Variants in PCDH15 observed in about 807,000 individuals in gnomAD.
PCDH15 encodes the protein protocadherin-15.
Under a neutral mutation model 178.5 loss-of-function variants are expected in PCDH15, and 129 were observed. The ratio of observed to expected loss-of-function variants is 0.72; its 90% CI spans 0.63 to 0.84. The LOEUF (loss-of-function observed/expected upper bound fraction) is 0.84. Among genes scored for constraint, PCDH15 ranks in the 40% least tolerant of loss-of-function variants. PCDH15 has a pLI of 0.00. For missense variants in PCDH15, 2,230 were observed against 2,099.9 expected, an observed-to-expected ratio of 1.06 and a Z score of -1.21; for synonymous variants, 800 against 732.0, an observed-to-expected ratio of 1.09 and a Z score of -1.50.
chr10:54,134,971 C>T (rs2133089422), intron 14 of PCDH15, among the ~76,000 whole-genome samples: 1 of 151,122 alleles, frequency 6.6e-6, no homozygotes, highest in African/African-American at 2.4e-5. Context: ...CTTTTGGAGG[C>T]CAAGGTGAGC....
chr10:54,344,237 T>C (rs1473404621), intron 6 of PCDH15, among the ~76,000 whole-genome samples: 1 of 152,196 alleles, frequency 6.6e-6, no homozygotes, highest in Non-Finnish European at 1.5e-5. Flanking sequence ...CATTTTAGCT[T>C]GCTAAAACAT....
At chr10:54,984,783 C>A (rs1286651942) in intron 2 of PCDH15, among the ~76,000 whole-genome samples, 1 of 152,090 alleles carries the variant, frequency 6.6e-6, no homozygotes, top group Non-Finnish European at 1.5e-5. Context: ...GCTGCAGTGA[C>A]CCACATTCAT....
chr10:55,525,992 G>A (rs576514313), intron 2 of PCDH15, among the ~76,000 whole-genome samples: 67 of 152,030 alleles, frequency 4.4e-4, no homozygotes, highest in Non-Finnish European at 8.0e-4. Context: ...TAGATTGAGA[G>A]TTGTCAGGAT....
chr10:53,998,154 G>C (rs1423855456), intron 20 of PCDH15, among the ~76,000 whole-genome samples: 1 of 152,120 alleles, frequency 6.6e-6, no homozygotes, highest in East Asian at 1.9e-4. Flanking sequence ...TATTCCACTA[G>C]AGGGTAGTAT....
At chr10:54,223,853 C>T (rs2053159320) in intron 9 of PCDH15, among the ~76,000 whole-genome samples, 1 of 152,058 alleles carries the variant, frequency 6.6e-6, no homozygotes, top group Non-Finnish European at 1.5e-5. Context: ...TTTGACAGTT[C>T]CTTGAATTCT....
At chr10:53,839,458 G>A (rs2077509537) in intron 29 of PCDH15, among the ~76,000 whole-genome samples, 2 of 151,866 alleles carry the variant, frequency 1.3e-5, no homozygotes, top group African/African-American at 4.8e-5. Flanking sequence ...ATATGGATAT[G>A]TTTATATGCT....
rs147813896 is a variant in PCDH15, at chr10:54,968,970, C to G, written c.-79-71470G>C. Among the ~76,000 whole-genome samples, 163 of 152,024 alleles carry G rather than the reference C, an allele frequency of 1.1e-3. 2 individuals carry two copies. The highest frequency in any genetic ancestry group is 3.8e-3 in the African/African-American group (159 of 41,452). On this transcript the variant is annotated intron_variant, in intron 2 of 5. Coordinates refer to the PCDH15 transcript ENST00000458638. ...CATTCCTTTTTCATATATTCCATGG[C>G]TCTATTTATCATGCTCATAATTTAT...
At chr10:54,808,251 T>G (rs1391480839) in intron 3 of PCDH15, among the ~76,000 whole-genome samples, 1 of 152,248 alleles carries the variant, frequency 6.6e-6, no homozygotes, top group Non-Finnish European at 1.5e-5. Context: ...TTATTCTGTC[T>G]GTCATTCTTT....
At chr10:54,331,712 C>A (rs12354432) in intron 6 of PCDH15, among the ~76,000 whole-genome samples, 102,537 of 151,744 alleles carry the variant, frequency 0.68, 35,379 homozygotes, top group Middle Eastern at 0.82. Flanking sequence ...TGGTTTCTAG[C>A]ATAAATATGG....
intron 2 of PCDH15, among the ~76,000 whole-genome samples, chr10:55,584,419 G>C (rs573799390): frequency 6.6e-6 from 1 of 151,574 alleles, no homozygotes; most frequent in East Asian, 1.9e-4. Flanking sequence ...AGCACGTTGA[G>C]AGACCGACCT....
intron 2 of PCDH15, among the ~76,000 whole-genome samples, chr10:54,990,882 A>G (rs939321192): frequency 4.6e-5 from 7 of 152,158 alleles, no homozygotes; most frequent in Non-Finnish European, 1.0e-4. Context: ...TTCTCATAGT[A>G]ATTTACAAAA....
rs1473591162 is a variant in PCDH15, at chr10:55,365,463, T to A, written c.-155-198812A>T. Among the ~76,000 whole-genome samples the A allele has an allele frequency of 2.6e-5, 4 of 152,216 alleles. No homozygotes were observed. The East Asian group carries it at 7.8e-4, about 30-fold the overall frequency. On this transcript the variant is annotated intron_variant, in intron 2 of 5. Coordinates refer to the PCDH15 transcript ENST00000613346. ...CAAATAACCTTGTGAGTGAGCATGA[T>A]CTTCCCACATTAATCTTTCAGATAA...
At chr10:55,321,279 T>G (rs1313093911), upstream of PCDH15, among the ~76,000 whole-genome samples, 1 of 151,934 alleles carries the variant, frequency 6.6e-6, no homozygotes, top group Non-Finnish European at 1.5e-5. Context: ...CTCACTTAAA[T>G]GACACAGACA....
Position 53,838,933 on chromosome 10 carries a change from G to A in PCDH15, c.3983+1387C>T, listed in dbSNP as rs1181202255. Among the ~76,000 whole-genome samples the A allele has an allele frequency of 5.3e-5, 8 of 151,900 alleles. No homozygotes were observed. In the South Asian group the frequency reaches 1.0e-3, roughly 20 times the overall value. On this transcript the variant is annotated intron_variant, in intron 29 of 37. Coordinates refer to ENST00000644397, the MANE Select transcript of PCDH15 (RefSeq NM_001384140.1). ...AAAAATGAATTGATGAGCCAGGCAC[G>A]GTGGCTCACACCTGTAATCCCAGCA... is the stretch of plus-strand genomic sequence containing the variant.
chr10:55,223,808 T>C (rs1031076658), intron 1 of PCDH15, among the ~76,000 whole-genome samples: 1 of 152,182 alleles, frequency 6.6e-6, no homozygotes, highest in Non-Finnish European at 1.5e-5. Context: ...TTTTGCCAAA[T>C]ATAGATGGGC....
At chr10:55,233,448 T>C (rs1841284645) in intron 1 of PCDH15, among the ~76,000 whole-genome samples, 1 of 152,102 alleles carries the variant, frequency 6.6e-6, no homozygotes, top group Non-Finnish European at 1.5e-5. Context: ...ACATGAAGAA[T>C]AAGAAATTAT....
chr10:54,798,000 C>T (rs939041157), intron 1 of PCDH15, among the ~76,000 whole-genome samples: 3 of 152,022 alleles, frequency 2.0e-5, no homozygotes, highest in African/African-American at 7.2e-5. Flanking sequence ...TCCATACATG[C>T]AACGAATTAA....
intron 2 of PCDH15, among the ~76,000 whole-genome samples, chr10:55,376,855 C>T (rs1241095556): frequency 6.6e-6 from 1 of 151,870 alleles, no homozygotes; most frequent in Non-Finnish European, 1.5e-5. Flanking sequence ...TTTTACTAAG[C>T]AGGTCAAAAT....
intron 32 of PCDH15, chr10:53,823,448 TAAATACTTAA>T: frequency 8.3e-7 from 1 of 1,201,732 alleles, no homozygotes; most frequent in African/African-American, 1.5e-5. Flanking sequence ...TCATTACTAT[TAAATACTTAA>T]AAACATCAAA....
Sources: allele counts gnomAD v4.1 joint callset (sites outside exome capture counted in the v4.1 genomes callset), GRCh38; gene constraint gnomAD v4.1.1; transcripts MANE v1.5; gene names NCBI Gene and HGNC (gene_info 2026-07-23, HGNC 2026-07-21).